The following CEP192 variants were observed in gnomAD, a reference collection of about 807,000 sequenced individuals.
CEP192 encodes centrosomal protein 192, also known as centrosomal protein of 192 kDa.
CEP192 carries 151 observed loss-of-function variants against 271.8 expected under a neutral mutation model. The observed-to-expected ratio is 0.56, with a 90% CI of 0.49 to 0.64. The LOEUF (loss-of-function observed/expected upper bound fraction) is 0.64. Ranked by LOEUF, CEP192 falls within the 30% of genes least tolerant of loss-of-function variation. The probability of loss-of-function intolerance (pLI) is 0.00; values close to 1 mark genes in which losing one functional copy is unlikely to be tolerated. For missense variants in CEP192, 2,910 were observed against 3,020.5 expected, an observed-to-expected ratio of 0.96 and a Z score of 0.86; for synonymous variants, 995 against 1,076.5, an observed-to-expected ratio of 0.92 and a Z score of 1.48.
intron 21 of CEP192, among the ~76,000 whole-genome samples, chr18:13,063,190 T>C (rs996045418): frequency 1.6e-4 from 24 of 152,142 alleles, no homozygotes; most frequent in Admixed American, 6.5e-5. Flanking sequence ...AATAAACATA[T>C]CTCTTTAATA....
chr18:13,008,058 G>A (rs191511094), intron 3 of CEP192, among the ~76,000 whole-genome samples: 2 of 152,302 alleles, frequency 1.3e-5, no homozygotes, highest in African/African-American at 2.4e-5. Context: ...AAGTAAAAAC[G>A]ATTGAAACCT....
intron 36 of CEP192, among the ~76,000 whole-genome samples, chr18:13,098,360 G>A (rs961030820): frequency 1.3e-5 from 2 of 152,124 alleles, no homozygotes; most frequent in African/African-American, 2.4e-5. Context: ...GCTGCCAGGC[G>A]GAGACACTCC....
chr18:13,103,435 T>G, intron 38 of CEP192, 74 bp from the exon 39 acceptor site: 1 of 1,158,576 alleles, frequency 8.6e-7, no homozygotes, highest in Non-Finnish European at 1.3e-6. Context: ...TATGAGGTAG[T>G]TAGGCCTGTC....
intron 15 of CEP192, among the ~76,000 whole-genome samples, chr18:13,046,748 A>G (rs2036503000): frequency 6.6e-6 from 1 of 151,740 alleles, no homozygotes; most frequent in Non-Finnish European, 1.5e-5. Context: ...TTAACCCAAT[A>G]AGACATGATG....
In CEP192 at chr18:13,038,552, C is replaced by G; in HGVS notation, c.1782C>G (p.Cys594Trp). 2 of 1,551,472 alleles carry G rather than the reference C, an allele frequency of 1.3e-6. No homozygotes were observed. The highest frequency in any genetic ancestry group is 1.7e-6 in the Non-Finnish European group (2 of 1,146,906). Residue 594 changes from cysteine (C) to tryptophan (W), a missense_variant, in exon 13 of 45, where the codon TGC (cysteine) becomes TGG (tryptophan). By Grantham distance (215) the Cys-to-Trp change is radical (BLOSUM62 -2). Transcript: ENST00000506447. ...FFAQRSEALG[C>W]LGGGNNVKRP... The stretch of plus-strand genomic sequence containing the variant: ...CTCAAAGATCTGAAGCTCTTGGTTG[C>G]CTTGGTGGTGGTAACAATGTGAAAA...
chr18:13,025,040 G>A (rs2035215345), intron 9 of CEP192, among the ~76,000 whole-genome samples: 1 of 152,126 alleles, frequency 6.6e-6, no homozygotes, highest in African/African-American at 2.4e-5. Flanking sequence ...CCAAAGTGCT[G>A]GAATTACAGG....
At chr18:13,091,458 C>T (rs1438985661) in intron 33 of CEP192, among the ~76,000 whole-genome samples, 1 of 76,296 alleles carries the variant, frequency 1.3e-5, no homozygotes, top group African/African-American at 8.5e-5. Flanking sequence ...TTGGTTGGTA[C>T]CATAGATCAC....
intron 30 of CEP192, among the ~76,000 whole-genome samples, chr18:13,085,571 A>G (rs1427465644): frequency 6.6e-6 from 1 of 152,302 alleles, no homozygotes; most frequent in East Asian, 1.9e-4. Context: ...TAATTTTTGT[A>G]TAAGTTGTAA....
chr18:13,095,991 A>G (rs1261326191), intron 35 of CEP192, among the ~76,000 whole-genome samples, 193 bp from the exon 36 acceptor site: 1 of 149,194 alleles, frequency 6.7e-6, no homozygotes, highest in Non-Finnish European at 1.5e-5. Flanking sequence ...GTTAAGACCA[A>G]GCAGTGACGA....
chr18:13,034,603 C>T (rs2035813223), intron 11 of CEP192, among the ~76,000 whole-genome samples: 1 of 151,172 alleles, frequency 6.6e-6, no homozygotes, highest in South Asian at 2.1e-4. Flanking sequence ...GTCAGGAGAT[C>T]GAGACCATCC....
chr18:13,087,635 G>A lies in CEP192; in HGVS notation c.5982G>A (p.Gln1994=), dbSNP rs1411951691. The A allele has an allele frequency of 4.6e-6, 7 of 1,518,088 alleles. No individual in the cohort carries two copies. In the East Asian group the frequency reaches 1.4e-4, roughly 30 times the overall value. 94.0% of individuals were successfully genotyped at this position (1,518,088 alleles called of 1,614,324 possible). A position where few individuals can be genotyped will look rare whatever the true frequency, so the allele number is the denominator to read the frequency against. The change falls in exon 32 of 45, where the codon CAG becomes CAA. Residue 1994 remains glutamine (Q), a synonymous_variant. Transcript: ENST00000506447. Reference sequence around the variant, plus strand: ...TTGGTGGAGATGAAATTTCAAGACAGCAGTATCGCAGGTAGATTACTTATC... The same window carrying A: ...TTGGTGGAGATGAAATTTCAAGACAACAGTATCGCAGGTAGATTACTTATC... ...YLFGGDEISR[Q]QYRRALLHKP... is the part of the protein sequence containing the mutation.
intron 44 of CEP192, 69 bp downstream of exon 44, chr18:13,117,712 T>G: frequency 8.7e-7 from 1 of 1,149,092 alleles, no homozygotes; most frequent in Non-Finnish European, 1.3e-6. Context: ...GAGTTGGGGC[T>G]TGTGAGGTCT....
At chr18:13,121,639 T>A (rs780896065) in intron 44 of CEP192, among the ~76,000 whole-genome samples, 11 of 152,248 alleles carry the variant, frequency 7.2e-5, no homozygotes. Context: ...ATATCTTTTT[T>A]AAAAGAATTT....
At position 13,041,860 on chromosome 18, in the gene CEP192, C is replaced by A. The variant is rs1357194133; in HGVS notation, c.1937-344C>A. On this transcript the variant is annotated intron_variant, in intron 14 of 44. Transcript: ENST00000506447. ...GGATCACAGGCATGAGCCACCGCACCCGACCAAGAAGTACTCAGTTTTAAA... is the reference window on the plus strand; with the variant it reads ...GGATCACAGGCATGAGCCACCGCACACGACCAAGAAGTACTCAGTTTTAAA... Among the ~76,000 whole-genome samples, 3 of 152,236 alleles carry A rather than the reference C, an allele frequency of 2.0e-5. No homozygotes were observed. In the East Asian group the frequency reaches 5.8e-4, roughly 29 times the overall value.
At position 13,053,025 on chromosome 18, in the gene CEP192, T is replaced by G; in HGVS notation, c.3124T>G (p.Tyr1042Asp). Residue 1042 changes from tyrosine to aspartate, a missense_variant, in exon 18 of 45, where the codon TAT (tyrosine) becomes GAT (aspartate). Tyr to Asp is a radical substitution (Grantham distance 160). Transcript: ENST00000506447. Reference sequence around the variant, plus strand: ...GCCTGCTGGGGTGAGCAGGCTGACGTATGTGTCTGAACCAGAGAGCTCCTA... The same window carrying G: ...GCCTGCTGGGGTGAGCAGGCTGACGGATGTGTCTGAACCAGAGAGCTCCTA... The part of the protein sequence containing the change: ...CSPAGVSRLT[Y>D]VSEPESSYPT... 3 of 1,613,938 alleles carry G rather than the reference T, an allele frequency of 1.9e-6. No individual in the cohort carries two copies. In the South Asian group the frequency reaches 3.3e-5, roughly 18 times the overall value.
chr18:13,018,700 AT>A, intron 8 of CEP192, 85 bp downstream of exon 8: 2 of 983,382 alleles, frequency 2.0e-6, no homozygotes, highest in Non-Finnish European at 1.4e-6. Flanking sequence ...CTCTGGTATG[AT>A]TTAGCATATA....
intron 38 of CEP192, among the ~76,000 whole-genome samples, chr18:13,102,846 C>T (rs1206470539): frequency 2.6e-5 from 4 of 152,186 alleles, no homozygotes; most frequent in Middle Eastern, 3.2e-3. Flanking sequence ...CATGACTTCC[C>T]GTGTGCTCGG....
At chr18:13,051,247 T>C (rs1305002100) in intron 17 of CEP192, among the ~76,000 whole-genome samples, 1 of 152,210 alleles carries the variant, frequency 6.6e-6, no homozygotes, top group Non-Finnish European at 1.5e-5. Flanking sequence ...TTTTCATTAT[T>C]TGAGATAATT....
intron 19 of CEP192, 144 bp from the exon 20 acceptor site, chr18:13,057,441 C>G: frequency 1.2e-6 from 1 of 808,922 alleles, no homozygotes; most frequent in East Asian, 2.9e-5. Context: ...CATGCAACAT[C>G]AAGGACTCCT....
Sources: gnomAD v4.1 joint callset for allele counts (sites outside exome capture counted in the v4.1 genomes callset) on GRCh38, gnomAD v4.1.1 for gene constraint, MANE v1.5 for transcripts, NCBI Gene and HGNC (gene_info 2026-07-23, HGNC 2026-07-21) for gene names.